The following ROBO2 variants were observed in gnomAD, a reference collection of about 807,000 sequenced individuals.
ROBO2 encodes roundabout guidance receptor 2, also known as roundabout homolog 2.
In ROBO2, 53 loss-of-function variants were observed where a neutral mutation model predicts 160.8. The ratio of observed to expected loss-of-function variants is 0.33; its 90% CI spans 0.26 to 0.41. The LOEUF (loss-of-function observed/expected upper bound fraction) is 0.41, where lower values mean the gene tolerates loss of function less well. Among genes scored for constraint, ROBO2 ranks in the 10% least tolerant of loss-of-function variants. ROBO2 has a pLI of 1.00. For missense variants in ROBO2, 1,577 were observed against 1,722.4 expected, an observed-to-expected ratio of 0.92 and a Z score of 1.49; for synonymous variants, 664 against 611.7, an observed-to-expected ratio of 1.09 and a Z score of -1.26.
At chr3:75,959,654 G>A (rs1251372913) in intron 2 of ROBO2, among the ~76,000 whole-genome samples, 3 of 151,560 alleles carry the variant, frequency 2.0e-5, no homozygotes, top group Admixed American at 2.0e-4. Context: ...ATTTTGAATT[G>A]TGTTTAAATA....
chr3:76,758,844 A>C (rs1403408361), intron 2 of ROBO2, among the ~76,000 whole-genome samples: 1 of 151,858 alleles, frequency 6.6e-6, no homozygotes, highest in African/African-American at 2.4e-5. Context: ...ATATAAATAC[A>C]TGGTCTTTGT....
intron 2 of ROBO2, among the ~76,000 whole-genome samples, chr3:76,349,558 C>G (rs1451228192): frequency 6.6e-6 from 1 of 152,028 alleles, no homozygotes; most frequent in African/African-American, 2.4e-5. Flanking sequence ...GTGTGAGCTT[C>G]AGATTTATTT....
chr3:77,633,515 C>T (rs190839776), intron 23 of ROBO2: 1 of 152,144 alleles, frequency 6.6e-6, no homozygotes, highest in Admixed American at 6.6e-5. Flanking sequence ...ACTGAATTAC[C>T]TTGCAAAGCA....
At chr3:77,291,022 CAT>C (rs2061156122) in intron 2 of ROBO2, among the ~76,000 whole-genome samples, 343 of 149,300 alleles carry the variant, frequency 2.3e-3, no homozygotes, top group African/African-American at 8.1e-3. Context: ...TCACCCCAGA[CAT>C]GAAGTAAAAT....
intron 2 of ROBO2, among the ~76,000 whole-genome samples, chr3:76,110,039 G>GTA (rs762735771): frequency 1.1e-3 from 162 of 149,724 alleles, no homozygotes; most frequent in Non-Finnish European, 1.7e-3. Context: ...ATATGTGTGT[G>GTA]TATATATATA....
intron 2 of ROBO2, among the ~76,000 whole-genome samples, chr3:76,228,902 C>G (rs767176343): frequency 1.3e-5 from 2 of 152,134 alleles, no homozygotes; most frequent in Non-Finnish European, 2.9e-5. Context: ...ATCACAGCTA[C>G]TTGTGACGCT....
intron 2 of ROBO2, among the ~76,000 whole-genome samples, chr3:76,978,489 G>A (rs918424992): frequency 6.6e-5 from 10 of 152,004 alleles, no homozygotes; most frequent in African/African-American, 2.4e-4. Flanking sequence ...GAATAAATGC[G>A]ATGGATTCTT....
rs1422555550 is a variant in ROBO2, at chr3:77,294,472, C to T, written c.389-182942C>T. Among the ~76,000 whole-genome samples the T allele has an allele frequency of 1.8e-4, 25 of 140,284 alleles. 2 individuals are homozygous for T. Among genetic ancestry groups the T allele is most frequent in the East Asian group, 1.5e-3 (7 of 4,770 alleles). The allele number at this position is 140,284 out of a possible 152,430, so 92.0% of individuals were successfully genotyped here. ...ACATAAAGTAAAATTGACGGGTAAA[C>T]GGGTAAGCTGAGGCTAGATCACCCC... On this transcript the variant is annotated intron_variant, in intron 2 of 25. Coordinates refer to ENST00000461745, the Ensembl canonical transcript of ROBO2.
intron 13 of ROBO2, among the ~76,000 whole-genome samples, chr3:77,573,915 G>C (rs1258956708): frequency 1.3e-5 from 2 of 151,506 alleles, no homozygotes; most frequent in Admixed American, 1.3e-4. Flanking sequence ...CCTTCTACCT[G>C]GACTCCATCT....
At chr3:76,495,109 A>G (rs1156539519) in intron 2 of ROBO2, among the ~76,000 whole-genome samples, 1 of 152,188 alleles carries the variant, frequency 6.6e-6, no homozygotes, top group African/African-American at 2.4e-5. Flanking sequence ...TTTGAAGTTA[A>G]CATTTGTAAA....
intron 2 of ROBO2, among the ~76,000 whole-genome samples, chr3:77,237,305 A>T (rs534607552): frequency 4.6e-5 from 7 of 151,014 alleles, no homozygotes; most frequent in Non-Finnish European, 7.4e-5. Context: ...AGCCTCAAGC[A>T]ACCTCCCATC....
At chr3:76,127,448 T>C (rs1004071399) in intron 2 of ROBO2, among the ~76,000 whole-genome samples, 5 of 152,052 alleles carry the variant, frequency 3.3e-5, no homozygotes, top group Non-Finnish European at 7.4e-5. Context: ...AATATAACTA[T>C]TATCTAACTT....
At chr3:76,978,454 A>G (rs371513721) in intron 2 of ROBO2, among the ~76,000 whole-genome samples, 17 of 152,158 alleles carry the variant, frequency 1.1e-4, no homozygotes, top group Non-Finnish European at 2.2e-4. Flanking sequence ...ATTTTTAGGA[A>G]TATATTTGAG....
intron 23 of ROBO2, chr3:77,631,463 A>G (rs962507589): frequency 6.6e-6 from 1 of 152,216 alleles, no homozygotes; most frequent in African/African-American, 2.4e-5. Context: ...TTAGTTTCTT[A>G]CAAATATTTT....
intron 2 of ROBO2, among the ~76,000 whole-genome samples, chr3:76,179,631 C>G (rs898827084): frequency 6.6e-6 from 1 of 152,108 alleles, no homozygotes; most frequent in Non-Finnish European, 1.5e-5. Flanking sequence ...TATTGACTTT[C>G]CCTTCTTCCA....
chr3:76,169,650 GATA>G (rs2072965846), intron 2 of ROBO2, among the ~76,000 whole-genome samples: 2 of 152,216 alleles, frequency 1.3e-5, no homozygotes, highest in African/African-American at 4.8e-5. Flanking sequence ...CATAATCATT[GATA>G]ATAATAAATA....
intron 2 of ROBO2, among the ~76,000 whole-genome samples, chr3:75,984,431 T>A (rs1322633092): frequency 1.3e-5 from 2 of 151,566 alleles, no homozygotes; most frequent in Non-Finnish European, 3.0e-5. Context: ...ATAACACAGA[T>A]TAGGATCTCT....
chr3:75,926,760 T>C (rs1026054906), intron 1 of ROBO2, among the ~76,000 whole-genome samples: 9 of 152,160 alleles, frequency 5.9e-5, no homozygotes, highest in African/African-American at 1.2e-4. Flanking sequence ...ATTTGAAATG[T>C]CTCCATCGAA....
At chr3:76,236,901 CT>C (rs1704980715) in intron 2 of ROBO2, among the ~76,000 whole-genome samples, 1 of 151,580 alleles carries the variant, frequency 6.6e-6, no homozygotes, top group Non-Finnish European at 1.5e-5. Flanking sequence ...AAATATACCC[CT>C]AGTGTATATA....
Sources: allele counts gnomAD v4.1 joint callset (sites outside exome capture counted in the v4.1 genomes callset), GRCh38; gene constraint gnomAD v4.1.1; transcripts MANE v1.5; gene names NCBI Gene and HGNC (gene_info 2026-07-23, HGNC 2026-07-21).